The following ONECUT1 variants were observed in gnomAD, a reference collection of about 807,000 sequenced individuals.
ONECUT1 encodes the protein one cut homeobox 1, also known as hepatocyte nuclear factor 6.
Under a neutral mutation model 25.6 loss-of-function variants are expected in ONECUT1, and 12 were observed. That is an observed-to-expected ratio of 0.47 (90% CI 0.30 to 0.76). The LOEUF (loss-of-function observed/expected upper bound fraction) is 0.76. Ranked by LOEUF, ONECUT1 falls within the 30% of genes least tolerant of loss-of-function variation. The probability of loss-of-function intolerance (pLI) is 0.07; values close to 1 mark genes in which losing one functional copy is unlikely to be tolerated. For synonymous variants in ONECUT1, 285 were observed against 270.2 expected, an observed-to-expected ratio of 1.05 and a Z score of -0.54; for missense variants, 620 against 651.2, an observed-to-expected ratio of 0.95 and a Z score of 0.52.
chr15:52,771,852 C>G (rs542606433), intron 1 of ONECUT1, among the ~76,000 whole-genome samples: 2 of 152,282 alleles, frequency 1.3e-5, no homozygotes, highest in South Asian at 4.1e-4. Context: ...CCTTTCCAAG[C>G]TCAAGAGAAT....
chr15:52,771,438 TGTGTGTGTGTG>T (rs1215167285), intron 1 of ONECUT1, among the ~76,000 whole-genome samples: 1 of 69,160 alleles, frequency 1.4e-5, no homozygotes, highest in African/African-American at 7.9e-5. Context: ...AAAAAGCAAG[TGTGTGTGTGTG>T]TGTGTGTGTG....
At chr15:52,783,114 A>G (rs2083851468) in intron 1 of ONECUT1, among the ~76,000 whole-genome samples, 1 of 152,210 alleles carries the variant, frequency 6.6e-6, no homozygotes, top group Non-Finnish European at 1.5e-5. Flanking sequence ...CAACCTCCTT[A>G]AAGACCTCGT....
At position 52,757,588 on chromosome 15, in the gene ONECUT1, T is replaced by C. The variant is rs768026472; in HGVS notation, c.1365A>G (p.Ser455=). 1.2e-6 allele frequency: 2 copies of C among 1,614,108 alleles called. No individual in the cohort carries two copies. The highest frequency in any genetic ancestry group is 1.1e-5 in the South Asian group (1 of 91,054). The part of the protein sequence containing the change: ...QDEGSSNSGN[S]SSSSSTCTKA ...TGGTACAAGTGCTTGATGAAGAAGA[T>C]GAGTTGCCTGAATTGGAGCTGCCCT... Residue 455 remains serine (S), a synonymous_variant, in exon 2 of 2, where the codon TCA becomes TCG. Coordinates refer to ENST00000305901, the MANE Select transcript of ONECUT1 (RefSeq NM_004498.4).
intron 1 of ONECUT1, among the ~76,000 whole-genome samples, chr15:52,759,422 A>G (rs2083692392): frequency 1.3e-5 from 2 of 152,214 alleles, no homozygotes; most frequent in Non-Finnish European, 2.9e-5. Flanking sequence ...AGCTCATAGG[A>G]TGAAAGCTGG....
chr15:52,765,721 A>G (rs1268649613), intron 1 of ONECUT1, among the ~76,000 whole-genome samples: 1 of 152,174 alleles, frequency 6.6e-6, no homozygotes, highest in Non-Finnish European at 1.5e-5. Context: ...ATTAGAGCTC[A>G]GACTCCAGGA....
chr15:52,789,715 G>C lies in ONECUT1; in HGVS notation c.170C>G (p.Ser57Cys). 6.8e-7 allele frequency: 1 copy of C among 1,474,084 alleles called. No homozygotes were observed. Among genetic ancestry groups the C allele is most frequent in the Non-Finnish European group, 8.9e-7 (1 of 1,121,024 alleles). 91.3% of individuals were successfully genotyped at this position (1,474,084 alleles called of 1,614,324 possible). A position where few individuals can be genotyped will look rare whatever the true frequency, so the allele number is the denominator to read the frequency against. ...GCCGCCGCTGCCGCCGTCCAGCAGG[G>C]ACGCCATGCCCATGGAGCGCGGGTG... Reference protein sequence around the residue: ...PAHPRSMGMASLLDGGSGGGD... With the variant: ...PAHPRSMGMACLLDGGSGGGD... The change falls in exon 1 of 2, where the codon TCC (serine) becomes TGC (cysteine). Residue 57 changes from serine (S) to cysteine (C), a missense_variant. Ser to Cys is a moderately radical substitution (Grantham distance 112). This residue lies in a region of ONECUT1 where 440 missense variants were observed against 404.9 expected (regional missense o/e 1.09). Transcript: ENST00000305901. The surrounding 1 kb of genome is among the most constrained non-coding windows in gnomAD (Gnocchi z 4.1).
At chr15:52,757,884 C>G in intron 1 of ONECUT1, 37 bp from the exon 2 acceptor site, 2 of 1,583,114 alleles carry the variant, frequency 1.3e-6, no homozygotes, top group African/African-American at 1.4e-5. Flanking sequence ...AACAAATGGT[C>G]TAGGGGAGAA....
chr15:52,761,001 G>T lies in ONECUT1; in HGVS notation c.1106-3154C>A, dbSNP rs1188408464. Among the ~76,000 whole-genome samples, 12 of 35,396 alleles carry T rather than the reference G, an allele frequency of 3.4e-4. No individual in the cohort carries two copies. In the Admixed American group the frequency reaches 4.7e-3, roughly 14 times the overall value. 23.2% of individuals were successfully genotyped at this position (35,396 alleles called of 152,430 possible). On this transcript the variant is annotated intron_variant, in intron 1 of 1. Coordinates refer to ENST00000305901, the MANE Select transcript of ONECUT1 (RefSeq NM_004498.4). ...GCTCTCGAATTGCCCTTGGCCAAAG[G>T]TTATGCCACTCTGGGGTGGGGTGGG...
chr15:52,781,359 T>C (rs1174080047), intron 1 of ONECUT1, among the ~76,000 whole-genome samples: 1 of 152,242 alleles, frequency 6.6e-6, no homozygotes, highest in Non-Finnish European at 1.5e-5. Flanking sequence ...TTACAAGTCT[T>C]GAGTATAAAA....
rs57187579 is a variant in ONECUT1 at position 52,777,737 on chromosome 15, C to CACACACACAAA, written c.1105+11042_1105+11043insTTTGTGTGTGT. On this transcript the variant is annotated intron_variant, in intron 1 of 1. Transcript: ENST00000305901. ...ACACACACACACACACACACACACA[C>CACACACACAAA]AAAAAAACATGTAAAGTTATTTGTT... Among the ~76,000 whole-genome samples the CACACACACAAA allele has an allele frequency of 1.4e-3, 140 of 103,432 alleles. 4 individuals carry two copies. The highest frequency in any genetic ancestry group is 5.7e-3 in the African/African-American group (128 of 22,570). 67.9% of individuals were successfully genotyped at this position (103,432 alleles called of 152,430 possible).
intron 1 of ONECUT1, among the ~76,000 whole-genome samples, chr15:52,766,783 A>C (rs1051287414): frequency 6.6e-6 from 1 of 152,186 alleles, no homozygotes; most frequent in Admixed American, 6.5e-5. Flanking sequence ...CAGGTCGGGA[A>C]AGTCATTGGA....
chr15:52,781,441 C>G (rs1432463480), intron 1 of ONECUT1, among the ~76,000 whole-genome samples: 1 of 152,158 alleles, frequency 6.6e-6, no homozygotes, highest in Non-Finnish European at 1.5e-5. Flanking sequence ...ATTTCAAGAG[C>G]TTATTATGTA....
At chr15:52,757,969 G>T in intron 1 of ONECUT1, 122 bp from the exon 2 acceptor site, 1 of 1,030,000 alleles carries the variant, frequency 9.7e-7, no homozygotes, top group Non-Finnish European at 1.4e-6. Flanking sequence ...GCTGACCTCT[G>T]CTTTAAGCAC....
intron 1 of ONECUT1, among the ~76,000 whole-genome samples, chr15:52,785,446 C>G (rs1406172415): frequency 6.6e-6 from 1 of 152,178 alleles, no homozygotes. Context: ...TGGAGGTTTC[C>G]TCGCCTCCAA....
chr15:52,770,832 G>T (rs776281445), intron 1 of ONECUT1, among the ~76,000 whole-genome samples: 1 of 152,178 alleles, frequency 6.6e-6, no homozygotes, highest in East Asian at 1.9e-4. Context: ...AACATCCAGG[G>T]CAAAGGATAT....
chr15:52,756,602 G>T lies in ONECUT1; in HGVS notation c.*953C>A, dbSNP rs1043821597. Among the ~76,000 whole-genome samples, 1 of 152,134 alleles carries T rather than the reference G, an allele frequency of 6.6e-6. No individual in the cohort carries two copies. Among genetic ancestry groups the T allele is most frequent in the African/African-American group, 2.4e-5 (1 of 41,412 alleles). On this transcript the variant is annotated 3_prime_UTR_variant, in exon 2 of 2. Coordinates refer to ENST00000305901, the MANE Select transcript of ONECUT1 (RefSeq NM_004498.4). Reference sequence around the variant, plus strand: ...ATCCTGAAAAGGAGTGTGCCATCTGGATGTACACGTGTACTGCATCGACCT... The same window carrying T: ...ATCCTGAAAAGGAGTGTGCCATCTGTATGTACACGTGTACTGCATCGACCT...
At chr15:52,760,209 A>C (rs573088746) in intron 1 of ONECUT1, among the ~76,000 whole-genome samples, 1 of 151,892 alleles carries the variant, frequency 6.6e-6, no homozygotes, top group Admixed American at 6.6e-5. Flanking sequence ...TAAATGTCCA[A>C]CTCCCTCAGA....
At chr15:52,757,919 T>A in intron 1 of ONECUT1, 72 bp from the exon 2 acceptor site, 1 of 1,503,208 alleles carries the variant, frequency 6.7e-7, no homozygotes. Flanking sequence ...ACAGAGCTCA[T>A]AAAATTTGTT....
chr15:52,757,671 T>C lies in ONECUT1; in HGVS notation c.1282A>G (p.Thr428Ala). The C allele has an allele frequency of 1.9e-6, 3 of 1,614,170 alleles. No homozygotes were observed. Residue 428 changes from threonine to alanine, a missense_variant, in exon 2 of 2, where the codon ACT becomes GCT. Physicochemically the swap from Thr to Ala is moderately conservative, Grantham distance 58. This residue lies in a region of ONECUT1 where 146 missense variants were observed against 201.8 expected (regional missense o/e 0.72). Transcript: ENST00000305901. Reference protein sequence around the residue: ...ISQQLGLELSTVSNFFMNARR... With the variant: ...ISQQLGLELSAVSNFFMNARR... ...GCGTTCATGAAGAAGTTGCTGACAGTGCTCAGCTCCAACCCCAGCTGCTGG... is the reference window on the plus strand; with the variant it reads ...GCGTTCATGAAGAAGTTGCTGACAGCGCTCAGCTCCAACCCCAGCTGCTGG...
Sources: allele counts gnomAD v4.1 joint callset (sites outside exome capture counted in the v4.1 genomes callset), GRCh38; gene constraint gnomAD v4.1.1; regional missense constraint gnomAD v4.1.1; non-coding constraint Gnocchi (gnomAD v3.1); transcripts MANE v1.5; gene names NCBI Gene and HGNC (gene_info 2026-07-23, HGNC 2026-07-21).